Variants in FAM13A observed in about 807,000 individuals in gnomAD.
The protein encoded by FAM13A is protein FAM13A.
Under a neutral mutation model 129.6 loss-of-function variants are expected in FAM13A, and 76 were observed. That is an observed-to-expected ratio of 0.59 (90% CI 0.49 to 0.71). The LOEUF is 0.71. Among genes scored for constraint, FAM13A ranks in the 30% least tolerant of loss-of-function variants. The pLI, the probability that FAM13A is intolerant of heterozygous loss-of-function variation, is 0.00. For missense variants in FAM13A, 1,108 were observed against 1,249.3 expected (o/e 0.89, Z 1.70); for synonymous variants, 443 against 449.9 (o/e 0.98, Z 0.20).
At chr4:88,775,659 A>G (rs1204684021) in intron 11 of FAM13A, among the ~76,000 whole-genome samples, 1 of 152,116 alleles carries the variant, frequency 6.6e-6, no homozygotes, top group African/African-American at 2.4e-5. Flanking sequence ...GTGAGCTTTG[A>G]TCATGCCACT....
intron 4 of FAM13A, among the ~76,000 whole-genome samples, chr4:88,945,990 G>GTGTGTGTATATATATATATA: frequency 8.1e-4 from 50 of 61,904 alleles, no homozygotes; most frequent in Non-Finnish European, 7.8e-4. Context: ...GTGTGTGTGT[G>GTGTGTGTATATATATATATA]TATATATATA....
chr4:88,942,182 GA>G (rs1338328774), intron 4 of FAM13A, among the ~76,000 whole-genome samples: 4 of 152,062 alleles, frequency 2.6e-5, no homozygotes, highest in Non-Finnish European at 5.9e-5. Context: ...TATCCTAGAT[GA>G]AAAAAACTGT....
At chr4:88,975,751 C>A (rs1399077182) in intron 4 of FAM13A, among the ~76,000 whole-genome samples, 1 of 152,174 alleles carries the variant, frequency 6.6e-6, no homozygotes, top group Non-Finnish European at 1.5e-5. Context: ...GGACTCTGTG[C>A]ACACATGGGC....
intron 19 of FAM13A, among the ~76,000 whole-genome samples, chr4:88,745,794 A>C (rs1180999330): frequency 6.6e-6 from 1 of 152,112 alleles, no homozygotes; most frequent in Non-Finnish European, 1.5e-5. Flanking sequence ...ATTATCCCAG[A>C]GTGTCAGTAT....
intron 6 of FAM13A, 43 bp from the exon 7 acceptor site, chr4:88,851,226 T>G (rs761198841): frequency 6.8e-7 from 1 of 1,468,736 alleles, no homozygotes; most frequent in Non-Finnish European, 9.1e-7. Flanking sequence ...GCTAGATAAA[T>G]GTTAAAGTCT....
chr4:88,983,884 C>T (rs1761930956), intron 4 of FAM13A, among the ~76,000 whole-genome samples: 1 of 152,086 alleles, frequency 6.6e-6, no homozygotes, highest in Admixed American at 6.5e-5. Context: ...AGTATTGAAA[C>T]TTCATGATTT....
At chr4:89,035,014 T>C (rs1769184876) in intron 1 of FAM13A, among the ~76,000 whole-genome samples, 1 of 152,158 alleles carries the variant, frequency 6.6e-6, no homozygotes, top group African/African-American at 2.4e-5. Context: ...AAAGAAAATA[T>C]GGTACACATA....
At chr4:89,048,280 A>T (rs915941014) in intron 1 of FAM13A, among the ~76,000 whole-genome samples, 1 of 152,228 alleles carries the variant, frequency 6.6e-6, no homozygotes, top group Non-Finnish European at 1.5e-5. Flanking sequence ...TATCATAAAC[A>T]GAATATTATT....
chr4:88,907,756 C>T (rs1233499597), intron 5 of FAM13A, among the ~76,000 whole-genome samples: 3 of 152,190 alleles, frequency 2.0e-5, no homozygotes, highest in African/African-American at 2.4e-5. Context: ...GCTCTTAATA[C>T]CTTTATATAT....
At chr4:88,820,988 A>G (rs1731774625) in intron 7 of FAM13A, among the ~76,000 whole-genome samples, 1 of 152,202 alleles carries the variant, frequency 6.6e-6, no homozygotes, top group African/African-American at 2.4e-5. Context: ...TTCCAAGAAT[A>G]CTGCTAAGGC....
intron 5 of FAM13A, among the ~76,000 whole-genome samples, chr4:88,927,387 T>C (rs2148757510): frequency 6.6e-6 from 1 of 151,812 alleles, no homozygotes; most frequent in African/African-American, 2.4e-5. Context: ...GATTGTATAA[T>C]CAATGAACAG....
chr4:88,999,863 T>A (rs1227354889), intron 3 of FAM13A, among the ~76,000 whole-genome samples: 1 of 152,202 alleles, frequency 6.6e-6, no homozygotes, highest in Non-Finnish European at 1.5e-5. Flanking sequence ...CATCTGGCTA[T>A]CCCTTCAACT....
intron 6 of FAM13A, among the ~76,000 whole-genome samples, chr4:88,862,950 C>CT (rs1334498402): frequency 6.6e-6 from 1 of 151,240 alleles, no homozygotes; most frequent in South Asian, 2.1e-4. Context: ...TTTTTCTTTC[C>CT]TTTTTTATTT....
intron 7 of FAM13A, among the ~76,000 whole-genome samples, chr4:88,833,177 G>A (rs529284905): frequency 1.3e-5 from 2 of 152,270 alleles, no homozygotes; most frequent in East Asian, 1.9e-4. Context: ...GGAGCTGAAC[G>A]AAGAGAACAC....
At chr4:89,017,102 G>A (rs987476099) in intron 3 of FAM13A, among the ~76,000 whole-genome samples, 2 of 152,210 alleles carry the variant, frequency 1.3e-5, no homozygotes, top group Admixed American at 6.5e-5. Flanking sequence ...ATCTAGGCTT[G>A]TGTAAGTATA....
intron 6 of FAM13A, among the ~76,000 whole-genome samples, chr4:88,854,933 C>T (rs901997654): frequency 1.1e-4 from 16 of 152,328 alleles, no homozygotes; most frequent in African/African-American, 3.6e-4. Context: ...CTGTGCCAGG[C>T]ATGGTTCCAA....
At chr4:88,940,686 T>G (rs1453645133) in intron 4 of FAM13A, among the ~76,000 whole-genome samples, 1 of 152,216 alleles carries the variant, frequency 6.6e-6, no homozygotes, top group South Asian at 2.1e-4. Context: ...GCTGGTTTTA[T>G]GCAGTCAGGC....
In FAM13A at chr4:89,057,155, AC is replaced by A; in HGVS notation, c.-192del. 7.0e-7 allele frequency: 1 copy of A among 1,435,018 alleles called. No individual in the cohort carries two copies. Among genetic ancestry groups the A allele is most frequent in the Non-Finnish European group, 9.1e-7 (1 of 1,096,060 alleles). The allele number at this position is 1,435,018 out of a possible 1,614,324, so 88.9% of individuals were successfully genotyped here. ...GTGGTTTTGCTTCTCTTTCCGCTGA[AC>A]CCACATGGCTGGAAGGACTGCCTGG... On this transcript the variant is annotated 5_prime_UTR_variant, in exon 1 of 24. The change abolishes the stop of an existing upstream ORF in the 5' untranslated region. Transcript: ENST00000264344.
At chr4:88,833,792 A>G (rs1489434119) in intron 7 of FAM13A, among the ~76,000 whole-genome samples, 1 of 152,112 alleles carries the variant, frequency 6.6e-6, no homozygotes, top group Non-Finnish European at 1.5e-5. Context: ...AGGCTGAGGG[A>G]GGAGAATCGC....
Sources: gnomAD v4.1 joint callset for allele counts (sites outside exome capture counted in the v4.1 genomes callset) on GRCh38, gnomAD v4.1.1 for gene constraint, MANE v1.5 for transcripts, NCBI Gene and HGNC (gene_info 2026-07-23, HGNC 2026-07-21) for gene names.